Variants in SSH1 observed in about 807,000 individuals in gnomAD.
The protein encoded by SSH1 is protein phosphatase Slingshot homolog 1.
A neutral mutation model predicts 79.7 loss-of-function variants in SSH1; 43 were observed. The observed-to-expected ratio is 0.54, with a 90% confidence interval of 0.42 to 0.70. SSH1 has a LOEUF of 0.70. SSH1 is among the 30% of genes least tolerant of loss of function. The pLI, the probability that SSH1 is intolerant of heterozygous loss-of-function variation, is 0.00. For missense variants in SSH1, 1,206 were observed against 1,358.8 expected, an observed-to-expected ratio of 0.89 and a Z score of 1.77; for synonymous variants, 599 against 538.3, an observed-to-expected ratio of 1.11 and a Z score of -1.56.
At chr12:108,824,497 G>A (rs2038242016) in intron 2 of SSH1, among the ~76,000 whole-genome samples, 1 of 151,916 alleles carries the variant, frequency 6.6e-6, no homozygotes, top group South Asian at 2.1e-4. Flanking sequence ...AAAAGTGGGT[G>A]GATACTGACT....
intron 14 of SSH1, among the ~76,000 whole-genome samples, 172 bp from the exon 15 acceptor site, chr12:108,789,416 C>A (rs1387306318): frequency 6.6e-6 from 1 of 152,074 alleles, no homozygotes; most frequent in Non-Finnish European, 1.5e-5. Flanking sequence ...CCCACTTGAT[C>A]GAGAATAACC....
At chr12:108,804,340 G>T (rs966688059) in intron 10 of SSH1, among the ~76,000 whole-genome samples, 6 of 152,234 alleles carry the variant, frequency 3.9e-5, no homozygotes, top group Admixed American at 3.9e-4. Flanking sequence ...TCCCGGCCCT[G>T]GTGGGCCCTG....
chr12:108,788,333 G>C lies in SSH1; in HGVS notation c.2805C>G (p.Ser935Arg). The C allele has an allele frequency of 6.2e-7, 1 of 1,613,300 alleles. No individual in the cohort carries two copies. The highest frequency in any genetic ancestry group is 8.5e-7 in the Non-Finnish European group (1 of 1,179,942). ...SSSMSSNLTR[S>R]SSSDSIHSVR... Reference sequence around the variant, plus strand: ...CACTGTGGATGCTATCGCTGCTGGAGCTCCGGGTCAGGTTGGAGCTCATGG... The same window carrying C: ...CACTGTGGATGCTATCGCTGCTGGACCTCCGGGTCAGGTTGGAGCTCATGG... The change falls in exon 15 of 15, where the codon AGC becomes AGG. Residue 935 changes from serine (S) to arginine (R), a missense_variant. By Grantham distance (110) the Ser-to-Arg change is moderately radical. Around this residue, in one of 5 missense-constraint regions of SSH1, gnomAD observed 709 missense variants for 730.6 expected, o/e 0.97. Transcript: ENST00000326495.
chr12:108,787,846 AT>A lies in SSH1; in HGVS notation c.*141del. 1 of 1,065,854 alleles carries A rather than the reference AT, an allele frequency of 9.4e-7. No homozygotes were observed. The highest frequency in any genetic ancestry group is 2.6e-5 in the East Asian group (1 of 38,640). 66.0% of individuals were successfully genotyped at this position (1,065,854 alleles called of 1,614,324 possible). The stretch of plus-strand genomic sequence containing the variant: ...TGGTTAGTTTCTTCTCCTCCTCTCT[AT>A]GGCAAGAGTAGGGGAAAAGTTAGGA... On this transcript the variant is annotated 3_prime_UTR_variant, in exon 15 of 15. Coordinates refer to ENST00000326495, the MANE Select transcript of SSH1 (RefSeq NM_018984.4).
At chr12:108,801,209 C>T (rs2375013) in intron 11 of SSH1, among the ~76,000 whole-genome samples, 84,246 of 152,000 alleles carry the variant, frequency 0.55, 25,796 homozygotes, top group African/African-American at 0.81. Context: ...ATTAAATATA[C>T]GTATTACTTA....
At chr12:108,811,873 C>A (rs557389439) in intron 5 of SSH1, among the ~76,000 whole-genome samples, 2 of 152,184 alleles carry the variant, frequency 1.3e-5, no homozygotes, top group South Asian at 4.1e-4. Context: ...AAAGAAAGGG[C>A]TTATCGGAGA....
At position 108,799,060 on chromosome 12, in the gene SSH1, G is replaced by C; in HGVS notation, c.1289C>G (p.Thr430Arg). The change falls in exon 13 of 15, where the codon ACG becomes AGG. Residue 430 changes from threonine (T) to arginine (R), a missense_variant. Coordinates refer to ENST00000326495, the MANE Select transcript of SSH1 (RefSeq NM_018984.4). ...YNYVKQKRSITRPNAGFMRQL... is the reference protein window; with the variant it reads ...YNYVKQKRSIRRPNAGFMRQL... ...CCTCATAAAGCCCGCGTTGGGGCGC[G>C]TGATGCTGCGCTTCTGCTTTACATA... is the stretch of plus-strand genomic sequence containing the variant. The C allele has an allele frequency of 6.2e-7, 1 of 1,614,112 alleles. No homozygotes were observed. The highest frequency in any genetic ancestry group is 8.5e-7 in the Non-Finnish European group (1 of 1,180,050).
chr12:108,798,446 C>G (rs1277049136), intron 13 of SSH1, among the ~76,000 whole-genome samples: 2 of 152,236 alleles, frequency 1.3e-5, no homozygotes, highest in South Asian at 4.1e-4. Flanking sequence ...TCAAGCAATA[C>G]TCCCATCTCA....
At chr12:108,809,233 C>T (rs1220943512) in intron 7 of SSH1, among the ~76,000 whole-genome samples, 1 of 151,306 alleles carries the variant, frequency 6.6e-6, no homozygotes, top group African/African-American at 2.4e-5. Context: ...GGGAGGACTG[C>T]TTGAGGCCAG....
At chr12:108,853,010 C>T (rs77942828) in intron 1 of SSH1, 13,714 of 985,328 alleles carry the variant, frequency 0.014, 264 homozygotes, top group African/African-American at 0.086. Context: ...TTGTTCTGGA[C>T]CTTATCCTGT....
chr12:108,855,939 T>G (rs78422840), intron 1 of SSH1, among the ~76,000 whole-genome samples: 1,627 of 152,320 alleles, frequency 0.011, 30 homozygotes, highest in African/African-American at 0.037. Flanking sequence ...AAAACAAGGC[T>G]GAAGAACTAC....
chr12:108,847,411 T>C (rs1304544883), intron 2 of SSH1, among the ~76,000 whole-genome samples: 4 of 152,200 alleles, frequency 2.6e-5, no homozygotes, highest in African/African-American at 7.2e-5. Context: ...TTCTCCTACA[T>C]GTCTGGAATT....
chr12:108,787,675 G>T lies in SSH1; in HGVS notation c.*313C>A, dbSNP rs2036320385. 2 of 420,740 alleles carry T rather than the reference G, an allele frequency of 4.8e-6. No homozygotes were observed. The allele number at this position is 420,740 out of a possible 1,614,324, so 26.1% of individuals were successfully genotyped here. On this transcript the variant is annotated 3_prime_UTR_variant, in exon 15 of 15. Transcript: ENST00000326495. ...TGCAGGATGCGAAGGGAACAGTCTG[G>T]ATGTGTGCGCCTATGTGTGCACGTT...
chr12:108,788,682 G>A lies in SSH1; in HGVS notation c.2456C>T (p.Ala819Val). The change falls in exon 15 of 15, where the codon GCA (alanine) becomes GTA (valine). Residue 819 changes from alanine (A) to valine (V), a missense_variant. Ala to Val is a moderately conservative substitution (Grantham distance 64). Coordinates refer to ENST00000326495, the MANE Select transcript of SSH1 (RefSeq NM_018984.4). Reference sequence around the variant, plus strand: ...TTTGGTGTGCTTGCGGACCAAGCCTGCCTTCTGCAGCTGAATGATGGACTC... The same window carrying A: ...TTTGGTGTGCTTGCGGACCAAGCCTACCTTCTGCAGCTGAATGATGGACTC... ...HQESIIQLQK[A>V]GLVRKHTKEL... The A allele has an allele frequency of 1.9e-6, 3 of 1,614,150 alleles. No individual in the cohort carries two copies. Among genetic ancestry groups the A allele is most frequent in the Non-Finnish European group, 2.5e-6 (3 of 1,180,048 alleles).
chr12:108,835,136 G>A (rs942932487), intron 2 of SSH1, among the ~76,000 whole-genome samples: 1 of 152,138 alleles, frequency 6.6e-6, no homozygotes, highest in South Asian at 2.1e-4. Flanking sequence ...TCTGTCTCAG[G>A]ATCCCTCTCA....
At chr12:108,819,402 A>G (rs2038031871) in intron 3 of SSH1, among the ~76,000 whole-genome samples, 1 of 152,184 alleles carries the variant, frequency 6.6e-6, no homozygotes, top group South Asian at 2.1e-4. Context: ...ACTTTCACGG[A>G]GGGGAAAGTT....
intron 2 of SSH1, among the ~76,000 whole-genome samples, chr12:108,838,122 C>T (rs894393109): frequency 6.6e-6 from 1 of 152,118 alleles, no homozygotes; most frequent in African/African-American, 2.4e-5. Flanking sequence ...CCACTTAATT[C>T]GATTTTGGTA....
In SSH1 at chr12:108,792,087, C is replaced by T. The variant is rs779631223; in HGVS notation, c.1893+199G>A. On this transcript the variant is annotated intron_variant, in intron 14 of 14. Coordinates refer to ENST00000326495, the MANE Select transcript of SSH1 (RefSeq NM_018984.4). The stretch of plus-strand genomic sequence containing the variant: ...TGCTATATAAGGTATGCACTACGTA[C>T]CCACCAGCAGAATCACCCTGTGAAA... 624 of 1,463,234 alleles carry T rather than the reference C, an allele frequency of 4.3e-4. 1 individual carries two copies. Among genetic ancestry groups the T allele is most frequent in the Non-Finnish European group, 5.5e-4 (611 of 1,106,374 alleles). The allele number at this position is 1,463,234 out of a possible 1,614,324, so 90.6% of individuals were successfully genotyped here.
chr12:108,788,448 C>G lies in SSH1; in HGVS notation c.2690G>C (p.Ser897Thr). 6.4e-7 allele frequency: 1 copy of G among 1,570,568 alleles called. No homozygotes were observed. Among genetic ancestry groups the G allele is most frequent in the Non-Finnish European group, 8.6e-7 (1 of 1,160,440 alleles). Residue 897 changes from serine (S) to threonine (T), a missense_variant, in exon 15 of 15, where the codon AGC becomes ACC. Around this residue, in one of 5 missense-constraint regions of SSH1, gnomAD observed 709 missense variants for 730.6 expected, o/e 0.97. Transcript: ENST00000326495. ...CAGGCGGTAGAAGAAAGGAGGGGGGCTCTTCAGTGAGCCTCCTTCCAATGA... is the reference window on the plus strand; with the variant it reads ...CAGGCGGTAGAAGAAAGGAGGGGGGGTCTTCAGTGAGCCTCCTTCCAATGA... Reference protein sequence around the residue: ...PASLEGGSLKSPPPFFYRLDH... With the variant: ...PASLEGGSLKTPPPFFYRLDH...
Sources: gnomAD v4.1 joint callset for allele counts (sites outside exome capture counted in the v4.1 genomes callset) on GRCh38, gnomAD v4.1.1 for gene constraint, gnomAD v4.1.1 regional missense constraint, MANE v1.5 for transcripts, NCBI Gene and HGNC (gene_info 2026-07-23, HGNC 2026-07-21) for gene names.